The following IL1RAPL1 variants were observed in gnomAD, a reference collection of about 807,000 sequenced individuals.
IL1RAPL1 encodes the protein interleukin 1 receptor accessory protein like 1.
IL1RAPL1 carries 3 observed loss-of-function variants against 48.4 expected under a neutral mutation model. The observed-to-expected ratio is 0.06, with a 90% confidence interval of 0.03 to 0.16. The LOEUF (loss-of-function observed/expected upper bound fraction) is 0.16. Ranked by LOEUF, IL1RAPL1 falls within the 10% of genes least tolerant of loss-of-function variation. IL1RAPL1 has a pLI of 1.00. For missense variants in IL1RAPL1, 349 were observed against 530.6 expected (o/e 0.66, Z 3.36); for synonymous variants, 185 against 187.7 (o/e 0.99, Z 0.12).
At chrX:29,395,067 C>T (rs555199883) in intron 3 of IL1RAPL1, among the ~76,000 whole-genome samples, 7 of 111,657 alleles carry the variant, frequency 6.3e-5, no homozygotes, top group African/African-American at 1.9e-4. Context: ...TGTGTACAGA[C>T]ACAAAGAGGA....
chrX:28,798,196 T>C (rs1026861058), intron 2 of IL1RAPL1, among the ~76,000 whole-genome samples: 5 of 111,236 alleles, frequency 4.5e-5, no homozygotes, highest in African/African-American at 1.6e-4. Context: ...ATGTTTATTG[T>C]AGAGATAGCA....
At chrX:29,886,447 G>C (rs948775319) in intron 6 of IL1RAPL1, among the ~76,000 whole-genome samples, 17 of 111,973 alleles carry the variant, frequency 1.5e-4, no homozygotes, top group Admixed American at 1.4e-3. Context: ...GATGAGTAGA[G>C]GGCAAAAATC....
chrX:29,387,970 G>A, intron 3 of IL1RAPL1, among the ~76,000 whole-genome samples: 1 of 107,062 alleles, frequency 9.3e-6, no homozygotes, highest in East Asian at 2.9e-4. Context: ...TCCAGGCTGG[G>A]CGAAAGAGCA....
intron 2 of IL1RAPL1, among the ~76,000 whole-genome samples, chrX:29,063,288 A>G (rs1462574433): frequency 8.9e-6 from 1 of 111,829 alleles, no homozygotes; most frequent in African/African-American, 3.2e-5. Flanking sequence ...GTGAAGATTC[A>G]TCTACCTATT....
chrX:29,929,883 A>G (rs1932926948), intron 8 of IL1RAPL1, among the ~76,000 whole-genome samples: 1 of 111,667 alleles, frequency 9.0e-6, no homozygotes, highest in Non-Finnish European at 1.9e-5. Context: ...ATTCTCCCCA[A>G]ACAAATATGT....
At chrX:29,852,553 G>C (rs1931392195) in intron 6 of IL1RAPL1, among the ~76,000 whole-genome samples, 2 of 111,934 alleles carry the variant, frequency 1.8e-5, no homozygotes, top group Admixed American at 1.9e-4. Context: ...TTAGGTCAGA[G>C]TTTATTTTGT....
intron 3 of IL1RAPL1, among the ~76,000 whole-genome samples, chrX:29,332,178 G>A (rs1349660934): frequency 1.5e-5 from 1 of 67,719 alleles, no homozygotes; most frequent in Non-Finnish European, 2.6e-5. Flanking sequence ...ATAATCCTTG[G>A]CAGATATACT....
At chrX:29,763,271 A>T (rs947351354) in intron 6 of IL1RAPL1, among the ~76,000 whole-genome samples, 2 of 111,425 alleles carry the variant, frequency 1.8e-5, no homozygotes, top group African/African-American at 3.3e-5. Flanking sequence ...AATATTATAA[A>T]TTATGCAAGT....
chrX:28,991,932 A>T (rs1925613222), intron 2 of IL1RAPL1, among the ~76,000 whole-genome samples: 1 of 111,855 alleles, frequency 8.9e-6, no homozygotes, highest in African/African-American at 3.2e-5. Flanking sequence ...GCAATCCCTG[A>T]CATTGTGGAC....
chrX:28,658,919 T>A (rs1326687187), intron 1 of IL1RAPL1: 7 of 384,798 alleles, frequency 1.8e-5, no homozygotes, highest in Non-Finnish European at 2.7e-5. Context: ...CTAATTACTG[T>A]CCCCTATTTT....
chrX:28,848,378 G>A (rs1313664173), intron 2 of IL1RAPL1, among the ~76,000 whole-genome samples: 3 of 110,524 alleles, frequency 2.7e-5, no homozygotes, highest in Non-Finnish European at 3.8e-5. Flanking sequence ...TGCTTAGTAA[G>A]TATTGATTGA....
At chrX:28,680,869 G>A (rs1935052375) in intron 1 of IL1RAPL1, among the ~76,000 whole-genome samples, 1 of 111,527 alleles carries the variant, frequency 9.0e-6, no homozygotes, top group East Asian at 2.8e-4. Context: ...ATATTTTGTG[G>A]AGGATTTTTG....
intron 1 of IL1RAPL1, among the ~76,000 whole-genome samples, chrX:28,649,962 G>T (rs779146058): frequency 9.0e-6 from 1 of 111,538 alleles, no homozygotes; most frequent in Admixed American, 9.6e-5. Flanking sequence ...CATGAGAGAA[G>T]AGTTTTCTAC....
chrX:29,458,036 T>A (rs190667911), intron 5 of IL1RAPL1, among the ~76,000 whole-genome samples: 6 of 112,134 alleles, frequency 5.4e-5, no homozygotes, highest in Non-Finnish European at 1.1e-4. Flanking sequence ...TGCCTCAGCC[T>A]CCCCAAAGTA....
intron 6 of IL1RAPL1, among the ~76,000 whole-genome samples, chrX:29,866,749 A>G (rs909013891): frequency 2.8e-5 from 3 of 108,048 alleles, no homozygotes; most frequent in Non-Finnish European, 5.7e-5. Flanking sequence ...CCACTTAACA[A>G]AGGGACCAGT....
intron 2 of IL1RAPL1, among the ~76,000 whole-genome samples, chrX:29,189,346 G>A (rs1287590129): frequency 9.0e-6 from 1 of 111,702 alleles, no homozygotes; most frequent in Admixed American, 9.5e-5. Context: ...TAATATTTAT[G>A]TTGCAAATCT....
At position 29,484,004 on chromosome X, in the gene IL1RAPL1, T is replaced by TA. The variant is rs144243686; in HGVS notation, c.703+84717dup. On this transcript the variant is annotated intron_variant, in intron 5 of 10. Coordinates refer to ENST00000378993, the MANE Select transcript of IL1RAPL1 (RefSeq NM_014271.4). ...CACTGCACCTGGCCCAGTAGTCCAT[T>TA]AAAAAAAAAAAAAAAAAAAAACTCA... Among the ~76,000 whole-genome samples, 872 of 91,919 alleles carry TA rather than the reference T, an allele frequency of 9.5e-3. 15 individuals are homozygous for TA. Among genetic ancestry groups the TA allele is most frequent in the African/African-American group, 0.016 (397 of 24,269 alleles). The allele number at this position is 91,919 out of a possible 115,157, so 79.8% of individuals were successfully genotyped here. A position where few individuals can be genotyped will look rare whatever the true frequency, so the allele number is the denominator to read the frequency against.
At chrX:29,152,695 G>C (rs953675455) in intron 2 of IL1RAPL1, among the ~76,000 whole-genome samples, 3 of 111,862 alleles carry the variant, frequency 2.7e-5, no homozygotes, top group African/African-American at 9.8e-5. Context: ...TGAACTCTTC[G>C]TTGTTCAAAG....
chrX:28,817,165 A>C (rs997895981), intron 2 of IL1RAPL1, among the ~76,000 whole-genome samples: 7 of 110,889 alleles, frequency 6.3e-5, no homozygotes, highest in Non-Finnish European at 1.3e-4. Flanking sequence ...GTGATGGTAA[A>C]GGGATCACCA....
Sources: allele counts gnomAD v4.1 joint callset (sites outside exome capture counted in the v4.1 genomes callset), GRCh38; gene constraint gnomAD v4.1.1; transcripts MANE v1.5; gene names NCBI Gene and HGNC (gene_info 2026-07-23, HGNC 2026-07-21).